The following GPHN variants were observed in gnomAD, a reference collection of about 807,000 sequenced individuals.
GPHN encodes the protein gephyrin.
GPHN carries 17 observed loss-of-function variants against 95.5 expected under a neutral mutation model. The observed-to-expected ratio is 0.18, with a 90% CI of 0.12 to 0.27. GPHN has a LOEUF of 0.27. GPHN is among the 10% of genes least tolerant of loss of function. The pLI is 1.00. For synonymous variants in GPHN, 320 were observed against 322.5 expected, an observed-to-expected ratio of 0.99 and a Z score of 0.08; for missense variants, 660 against 978.1, an observed-to-expected ratio of 0.67 and a Z score of 4.34.
rs1422603206 is a variant in GPHN, at chr14:66,774,042, C to T, written c.144-2422C>T. Among the ~76,000 whole-genome samples the T allele has an allele frequency of 1.8e-4, 23 of 125,874 alleles. 1 individual carries two copies. In the South Asian group the frequency reaches 3.6e-3, roughly 20 times the overall value. 82.6% of individuals were successfully genotyped at this position (125,874 alleles called of 152,430 possible). A position where few individuals can be genotyped will look rare whatever the true frequency, so the allele number is the denominator to read the frequency against. On this transcript the variant is annotated intron_variant, in intron 2 of 22. Transcript: ENST00000478722. ...TTTTTGAGATGGAGTCTCGCCCTGT[C>T]GCCCAGGTTGGAGTGCAGTGGCTCA...
At chr14:67,625,825 G>A in the GPHN span, among the ~76,000 whole-genome samples, 11 of 148,732 alleles carry the variant, frequency 7.4e-5, no homozygotes, top group African/African-American at 1.2e-4. Context: ...TCTAGTGTTC[G>A]GCAAACATAA....
chr14:67,256,997 A>G, the GPHN span, among the ~76,000 whole-genome samples: 2 of 152,310 alleles, frequency 1.3e-5, no homozygotes, highest in Admixed American at 1.3e-4. Context: ...CAGGTGCCCA[A>G]GGTGATCGGG....
chr14:67,233,005 A>C, the GPHN span, among the ~76,000 whole-genome samples: 1 of 152,148 alleles, frequency 6.6e-6, no homozygotes, highest in Non-Finnish European at 1.5e-5. Context: ...AAGTTCTTCT[A>C]AAATTATTCT....
At chr14:67,204,943 G>C in the GPHN span, 1 of 1,611,552 alleles carries the variant, frequency 6.2e-7, no homozygotes, top group Non-Finnish European at 8.5e-7. Flanking sequence ...TGAGGTCCCA[G>C]AGGTCCCGGA....
intron 4 of GPHN, among the ~76,000 whole-genome samples, chr14:66,849,225 C>G (rs1460766647): frequency 6.6e-6 from 1 of 151,888 alleles, no homozygotes; most frequent in African/African-American, 2.4e-5. Flanking sequence ...AGCTTTTCTT[C>G]ATTTAATAAC....
At chr14:67,392,685 C>CA in the GPHN span, 2 of 1,614,090 alleles carry the variant, frequency 1.2e-6, no homozygotes, top group Non-Finnish European at 1.7e-6. Context: ...GCTGTGGAGT[C>CA]ATCCAGGAAC....
At chr14:67,360,464 A>C in the GPHN span, 1 of 368,128 alleles carries the variant, frequency 2.7e-6, no homozygotes, top group African/African-American at 2.1e-5. Flanking sequence ...CAGGTGACTA[A>C]TCCCAAGCTC....
At chr14:67,615,977 A>G in the GPHN span, 4 of 327,838 alleles carry the variant, frequency 1.2e-5, no homozygotes, top group Non-Finnish European at 2.3e-5. Flanking sequence ...GAGCTAAAGG[A>G]AAGTCTGATG....
the GPHN span, among the ~76,000 whole-genome samples, chr14:67,246,732 C>T: frequency 7.1e-6 from 1 of 140,702 alleles, no homozygotes; most frequent in Admixed American, 7.8e-5. Flanking sequence ...CTCACTGCAA[C>T]TTCCCGCCTC....
intron 1 of GPHN, among the ~76,000 whole-genome samples, chr14:66,618,245 T>C (rs1374471587): frequency 6.6e-6 from 1 of 152,154 alleles, no homozygotes; most frequent in Non-Finnish European, 1.5e-5. Flanking sequence ...CTAGGTGTTA[T>C]TTATTGGCTA....
the GPHN span, among the ~76,000 whole-genome samples, chr14:67,431,737 AG>A: frequency 7.9e-3 from 1,198 of 152,198 alleles, 21 homozygotes; most frequent in African/African-American, 0.027. Context: ...GCGGCAAAAA[AG>A]GTTGGGGAAA....
intron 1 of GPHN, among the ~76,000 whole-genome samples, chr14:66,606,479 A>G (rs777832013): frequency 6.6e-6 from 1 of 152,178 alleles, no homozygotes; most frequent in Non-Finnish European, 1.5e-5. Flanking sequence ...GTTCCATGTG[A>G]ATATTAGAAT....
the GPHN span, among the ~76,000 whole-genome samples, chr14:67,413,905 G>A: frequency 4.6e-4 from 70 of 152,218 alleles, no homozygotes; most frequent in Non-Finnish European, 9.4e-4. Flanking sequence ...TCCAGTCAAG[G>A]AAACTGAATC....
At chr14:67,272,850 G>A in the GPHN span, among the ~76,000 whole-genome samples, 4 of 152,034 alleles carry the variant, frequency 2.6e-5, no homozygotes, top group African/African-American at 9.7e-5. Context: ...GCATGTTTTT[G>A]TAGAGATGGG....
chr14:66,584,294 C>T (rs1184413331), intron 1 of GPHN, among the ~76,000 whole-genome samples: 11 of 152,258 alleles, frequency 7.2e-5, no homozygotes, highest in South Asian at 6.2e-4. Context: ...TGGGCTGAGA[C>T]GATGGGGTTT....
chr14:67,133,625 TTGAAATC>T (rs1199328885), intron 17 of GPHN, among the ~76,000 whole-genome samples: 1 of 152,140 alleles, frequency 6.6e-6, no homozygotes, highest in East Asian at 1.9e-4. Flanking sequence ...AGCAATCAAA[TTGAAATC>T]TGAAAAGATA....
At chr14:67,052,668 T>C (rs1293457948) in intron 10 of GPHN, among the ~76,000 whole-genome samples, 1 of 152,148 alleles carries the variant, frequency 6.6e-6, no homozygotes, top group Non-Finnish European at 1.5e-5. Flanking sequence ...CATATGGCAC[T>C]TACTCCTAAA....
chr14:67,410,587 T>C, the GPHN span, among the ~76,000 whole-genome samples: 1 of 152,232 alleles, frequency 6.6e-6, no homozygotes, highest in African/African-American at 2.4e-5. Context: ...CCTTGCTTAC[T>C]GTTTACAGCA....
chr14:67,119,704 C>T (rs909205333), intron 16 of GPHN, among the ~76,000 whole-genome samples: 5 of 152,122 alleles, frequency 3.3e-5, no homozygotes, highest in African/African-American at 4.8e-5. Context: ...GCAGGAGACT[C>T]GCTTGAACCC....
Sources: allele counts gnomAD v4.1 joint callset (sites outside exome capture counted in the v4.1 genomes callset), GRCh38; gene constraint gnomAD v4.1.1; transcripts MANE v1.5; gene names NCBI Gene and HGNC (gene_info 2026-07-23, HGNC 2026-07-21).